The following IDE variants were observed in gnomAD, a reference collection of about 807,000 sequenced individuals.
IDE encodes insulin-degrading enzyme.
IDE carries 58 observed loss-of-function variants against 133.2 expected under a neutral mutation model. The ratio of observed to expected loss-of-function variants is 0.44; its 90% CI spans 0.35 to 0.54. IDE has a LOEUF of 0.54. Among genes scored for constraint, IDE ranks in the 20% least tolerant of loss-of-function variants. The probability of loss-of-function intolerance (pLI) is 0.00; values close to 1 mark genes in which losing one functional copy is unlikely to be tolerated. For missense variants in IDE, 981 were observed against 1,234.0 expected (o/e 0.79, Z 3.07); for synonymous variants, 396 against 421.3 (o/e 0.94, Z 0.73).
At chr10:92,497,377 T>A (rs2135492641) in intron 11 of IDE, among the ~76,000 whole-genome samples, 1 of 152,268 alleles carries the variant, frequency 6.6e-6, no homozygotes, top group Non-Finnish European at 1.5e-5. Context: ...GAGTTCCCCA[T>A]CCTTGGAAGA....
intron 14 of IDE, chr10:92,480,918 T>C: frequency 1.0e-6 from 1 of 971,436 alleles, no homozygotes; most frequent in Non-Finnish European, 1.2e-6. Flanking sequence ...TTATCAAAGC[T>C]GATAAAAAAG....
intron 4 of IDE, among the ~76,000 whole-genome samples, chr10:92,522,307 T>C (rs1175278918): frequency 6.6e-6 from 1 of 152,190 alleles, no homozygotes; most frequent in Non-Finnish European, 1.5e-5. Context: ...CTAACTCATG[T>C]TCTCCAAAAG....
rs888800424 is a variant in IDE, at chr10:92,464,084, T to C, written c.2489-81A>G. ...TTAATCCTTCAAAAACTAACCTGTC[T>C]GAGCAAATAAAATCTAGTTTAAGGT... On this transcript the variant is annotated intron_variant, in intron 20 of 24. Coordinates refer to ENST00000265986, the MANE Select transcript of IDE (RefSeq NM_004969.4). 3.6e-6 allele frequency: 5 copies of C among 1,385,558 alleles called. No individual in the cohort carries two copies. In the East Asian group the frequency reaches 1.1e-4, roughly 32 times the overall value. 85.8% of individuals were successfully genotyped at this position (1,385,558 alleles called of 1,614,324 possible).
Position 92,534,785 on chromosome 10 carries a change from C to T in IDE, c.284G>A (p.Gly95Asp), listed in dbSNP as rs1841905594. The T allele has an allele frequency of 6.2e-7, 1 of 1,610,492 alleles. No homozygotes were observed. The highest frequency in any genetic ancestry group is 1.3e-5 in the African/African-American group (1 of 74,802). Residue 95 changes from glycine (G) to aspartate (D), a missense_variant and splice_region_variant, in exon 3 of 25, where the codon GGT becomes GAT. Coordinates refer to ENST00000265986, the MANE Select transcript of IDE (RefSeq NM_004969.4). Reference protein sequence around the residue: ...KSSAALDVHIGSLSDPPNIAG... With the variant: ...KSSAALDVHIDSLSDPPNIAG... ...AATATTTGGAGGATCCGACAATGAA[C>T]CTGAAAGAGAAAACACGTATATAAT...
intron 4 of IDE, among the ~76,000 whole-genome samples, chr10:92,526,275 T>C (rs1447705326): frequency 6.6e-6 from 1 of 151,844 alleles, no homozygotes; most frequent in African/African-American, 2.4e-5. Flanking sequence ...CTGGAAGAAC[T>C]AATATTGTTA....
At chr10:92,484,248 T>A (rs1846818602) in intron 13 of IDE, among the ~76,000 whole-genome samples, 1 of 151,874 alleles carries the variant, frequency 6.6e-6, no homozygotes, top group Admixed American at 6.6e-5. Context: ...CCGTCTCTAC[T>A]AATCATACAA....
Position 92,454,522 on chromosome 10 carries a change from G to T in IDE, c.2982C>A (p.Asn994Lys). ...GCAGACCACGCTTGAATTCGGTCAT[G>T]TTCTGAATCACTTCAGGCTGCAAAG... ...PALPQPEVIQ[N>K]MTEFKRGLPL... The change falls in exon 25 of 25, where the codon AAC becomes AAA. Residue 994 changes from asparagine to lysine, a missense_variant. By Grantham distance (94) the Asn-to-Lys change is moderately conservative (BLOSUM62 0). This residue lies in a region of IDE where 660 missense variants were observed against 894.7 expected (regional missense o/e 0.74). Transcript: ENST00000265986. 1 of 1,613,538 alleles carries T rather than the reference G, an allele frequency of 6.2e-7. No homozygotes were observed. Among genetic ancestry groups the T allele is most frequent in the African/African-American group, 1.3e-5 (1 of 75,040 alleles).
chr10:92,511,101 AC>A lies in IDE; in HGVS notation c.785-940del, dbSNP rs1019585686. ...AGCAGTGTTAAAAAAAAAAAAAAAAACTTTTTTTTTTTTTTTTTGAAGCAAG... is the reference window on the plus strand; with the variant it reads ...AGCAGTGTTAAAAAAAAAAAAAAAAATTTTTTTTTTTTTTTTTGAAGCAAG... On this transcript the variant is annotated intron_variant, in intron 5 of 24. Coordinates refer to ENST00000265986, the MANE Select transcript of IDE (RefSeq NM_004969.4). Among the ~76,000 whole-genome samples the A allele has an allele frequency of 5.3e-5, 7 of 132,516 alleles. 1 individual carries two copies. The highest frequency in any genetic ancestry group is 1.5e-4 in the Admixed American group (2 of 12,932). 86.9% of individuals were successfully genotyped at this position (132,516 alleles called of 152,430 possible).
intron 4 of IDE, among the ~76,000 whole-genome samples, chr10:92,523,505 A>G (rs2135605634): frequency 6.6e-6 from 1 of 151,078 alleles, no homozygotes; most frequent in East Asian, 1.9e-4. Context: ...GGAATTCGAG[A>G]CCAGCCTGGC....
chr10:92,481,753 G>C (rs1035939640), intron 14 of IDE, among the ~76,000 whole-genome samples: 5 of 152,202 alleles, frequency 3.3e-5, no homozygotes, highest in Middle Eastern at 3.2e-3. Context: ...AGACAGACCA[G>C]AGGGAGGGAT....
rs1451477939 is a variant in IDE, at chr10:92,506,442, A to C, written c.1326T>G (p.His442Gln). 2.0e-6 allele frequency: 3 copies of C among 1,496,354 alleles called. No homozygotes were observed. Among genetic ancestry groups the C allele is most frequent in the Non-Finnish European group, 2.8e-6 (3 of 1,078,808 alleles). The allele number at this position is 1,496,354 out of a possible 1,614,324, so 92.7% of individuals were successfully genotyped here. A position where few individuals can be genotyped will look rare whatever the true frequency, so the allele number is the denominator to read the frequency against. Reference sequence around the variant, plus strand: ...TACAGTAAAATAACAACAAACTTACATGCAATATTCCTGCAATCTTAGATG... The same window carrying C: ...TACAGTAAAATAACAACAAACTTACCTGCAATATTCCTGCAATCTTAGATG... Reference protein sequence around the residue: ...GYTSKIAGILHYYPLEEVLTA... With the variant: ...GYTSKIAGILQYYPLEEVLTA... The change falls in exon 10 of 25, where the codon CAT becomes CAG. Residue 442 changes from histidine to glutamine, a missense_variant and splice_region_variant. His to Gln is a conservative substitution (Grantham distance 24). This residue lies in a region of IDE where 660 missense variants were observed against 894.7 expected (regional missense o/e 0.74). Transcript: ENST00000265986.
chr10:92,538,541 C>T (rs980706801), intron 1 of IDE, among the ~76,000 whole-genome samples: 1 of 152,236 alleles, frequency 6.6e-6, no homozygotes, highest in African/African-American at 2.4e-5. Flanking sequence ...AAAAGTCTGG[C>T]AATCTTAACA....
At chr10:92,493,802 T>A (rs1434376578) in intron 11 of IDE, among the ~76,000 whole-genome samples, 7 of 152,078 alleles carry the variant, frequency 4.6e-5, no homozygotes, top group Admixed American at 4.6e-4. Flanking sequence ...CATTAAGGAA[T>A]TCCAGATTGA....
At chr10:92,495,539 C>T (rs921750768) in intron 11 of IDE, among the ~76,000 whole-genome samples, 17 of 151,850 alleles carry the variant, frequency 1.1e-4, no homozygotes, top group African/African-American at 3.4e-4. Context: ...TTAATAGAGA[C>T]GGGGTTTCGC....
In IDE at chr10:92,481,722, G is replaced by C. The variant is rs553514866; in HGVS notation, c.1739+1533C>G. ...TTTCAATTAAAATGTACAAGAAACAGAACAGTGGTTACCTCTAGGAAGACA... is the reference window on the plus strand; with the variant it reads ...TTTCAATTAAAATGTACAAGAAACACAACAGTGGTTACCTCTAGGAAGACA... On this transcript the variant is annotated intron_variant, in intron 14 of 24. Coordinates refer to ENST00000265986, the MANE Select transcript of IDE (RefSeq NM_004969.4). Among the ~76,000 whole-genome samples the C allele has an allele frequency of 1.3e-3, 196 of 152,244 alleles. 2 individuals carry two copies. The highest frequency in any genetic ancestry group is 3.2e-3 in the Admixed American group (49 of 15,284).
chr10:92,475,127 G>A (rs1189708845), intron 16 of IDE, among the ~76,000 whole-genome samples, 166 bp from the exon 17 acceptor site: 3 of 151,954 alleles, frequency 2.0e-5, no homozygotes, highest in Non-Finnish European at 2.9e-5. Context: ...ATTCCTCTCC[G>A]ATCTTTACAT....
At chr10:92,524,531 A>ATT (rs1849517095) in intron 4 of IDE, among the ~76,000 whole-genome samples, 2 of 101,834 alleles carry the variant, frequency 2.0e-5, no homozygotes, top group East Asian at 2.3e-4. Context: ...ATTATATTAT[A>ATT]ATATATTTTA....
At chr10:92,499,526 G>C (rs1437073601) in intron 11 of IDE, among the ~76,000 whole-genome samples, 7 of 152,112 alleles carry the variant, frequency 4.6e-5, no homozygotes, top group Admixed American at 2.6e-4. Flanking sequence ...TCCACCTCCT[G>C]GGCTCAAGTG....
rs192880255 is a variant in IDE, at chr10:92,535,778, G to A, written c.284-993C>T. ...CGGCCAGGCACAGTGGCCCACACCC[G>A]TAATCCCAGCACTTTGGGAGGACGA... On this transcript the variant is annotated intron_variant, in intron 2 of 24. Transcript: ENST00000265986. Among the ~76,000 whole-genome samples, 36 of 152,256 alleles carry A rather than the reference G, an allele frequency of 2.4e-4. No homozygotes were observed. The East Asian group carries it at 2.5e-3, about 11-fold the overall frequency.
Sources: gnomAD v4.1 joint callset for allele counts (sites outside exome capture counted in the v4.1 genomes callset) on GRCh38, gnomAD v4.1.1 for gene constraint, gnomAD v4.1.1 regional missense constraint, MANE v1.5 for transcripts, NCBI Gene and HGNC (gene_info 2026-07-23, HGNC 2026-07-21) for gene names.